SLC47A2: variants seen among roughly 807,000 people sequenced by gnomAD.
SLC47A2 encodes the protein solute carrier family 47 member 2, also known as multidrug and toxin extrusion protein 2.
Under a neutral mutation model 67.7 loss-of-function variants are expected in SLC47A2, and 52 were observed. The observed-to-expected ratio is 0.77, with a 90% CI of 0.61 to 0.97. SLC47A2 has a LOEUF of 0.97. Among genes scored for constraint, SLC47A2 ranks in the 50% least tolerant of loss-of-function variants. SLC47A2 has a pLI of 0.00. For synonymous variants in SLC47A2, 278 were observed against 292.9 expected, an observed-to-expected ratio of 0.95 and a Z score of 0.52; for missense variants, 676 against 712.3, an observed-to-expected ratio of 0.95 and a Z score of 0.58.
At chr17:19,705,630 C>CAAGG in intron 9 of SLC47A2, 127 bp from the exon 10 acceptor site, 3 of 828,698 alleles carry the variant, frequency 3.6e-6, no homozygotes, top group Non-Finnish European at 5.3e-6. Flanking sequence ...GACAGGGTCT[C>CAAGG]ACTCTGTCGC....
At chr17:19,698,926 C>T (rs529040157) in intron 13 of SLC47A2, among the ~76,000 whole-genome samples, 3 of 152,266 alleles carry the variant, frequency 2.0e-5, no homozygotes, top group African/African-American at 7.2e-5. Flanking sequence ...TATAAGTAAT[C>T]TAGAGATGAT....
At chr17:19,689,608 G>T (rs1255328425) in intron 13 of SLC47A2, among the ~76,000 whole-genome samples, 1 of 151,144 alleles carries the variant, frequency 6.6e-6, no homozygotes, top group Non-Finnish European at 1.5e-5. Context: ...GAAGTGAGAG[G>T]ATCACCTGAG....
At position 19,681,546 on chromosome 17, in the gene SLC47A2, C is replaced by G; in HGVS notation, c.1289G>C (p.Arg430Thr). Residue 430 changes from arginine (R) to threonine (T), a missense_variant, in exon 14 of 17, where the codon AGA (arginine) becomes ACA (threonine). Arg to Thr is a moderately conservative substitution (Grantham distance 71). Transcript: ENST00000433844. Reference protein sequence around the residue: ...GILLTFVVRMRIMGLWLGMLA... With the variant: ...GILLTFVVRMTIMGLWLGMLA... ...TTCCTCACACCACATACCCATGATT[C>G]TCATTCTGACCACAAAGGTCAGAAG... is the stretch of plus-strand genomic sequence containing the variant. 6.2e-7 allele frequency: 1 copy of G among 1,614,228 alleles called. No individual in the cohort carries two copies. The highest frequency in any genetic ancestry group is 8.5e-7 in the Non-Finnish European group (1 of 1,180,046).
chr17:19,714,511 C>T (rs998530514), intron 3 of SLC47A2: 2 of 627,646 alleles, frequency 3.2e-6, no homozygotes, highest in South Asian at 1.9e-5. Flanking sequence ...CCATCTCCAC[C>T]CCTTTCTCCT....
intron 15 of SLC47A2, among the ~76,000 whole-genome samples, chr17:19,680,258 G>A (rs892189580): frequency 5.3e-5 from 8 of 151,922 alleles, no homozygotes; most frequent in African/African-American, 1.5e-4. Context: ...CGGGTGGATT[G>A]CTGGAGCTCA....
At chr17:19,704,293 T>C in intron 10 of SLC47A2, 115 bp from the exon 11 acceptor site, 1 of 808,552 alleles carries the variant, frequency 1.2e-6, no homozygotes, top group Non-Finnish European at 1.9e-6. Flanking sequence ...ATCTCAGGCA[T>C]GCAGTGTAAG....
rs762884140 is a variant in SLC47A2 at position 19,704,149 on chromosome 17, A to G, written c.939T>C (p.Cys313=). The change falls in exon 11 of 17, where the codon TGT becomes TGC. Residue 313 remains cysteine, a synonymous_variant. Coordinates refer to ENST00000433844, the MANE Select transcript of SLC47A2 (RefSeq NM_001099646.3). The stretch of plus-strand genomic sequence containing the variant: ...CCCCCAGAGCCATCCCCACTCGGAC[A>G]CAGACCCCGATGCTGAGCCCCAAGG... ...MIPLGLSIGV[C]VRVGMALGAA... is the part of the protein sequence containing the mutation. 6 of 1,612,224 alleles carry G rather than the reference A, an allele frequency of 3.7e-6. No homozygotes were observed. The highest frequency in any genetic ancestry group is 5.1e-6 in the Non-Finnish European group (6 of 1,179,630).
Position 19,679,986 on chromosome 17 carries a change from G to A in SLC47A2, c.1446C>T (p.Thr482=), listed in dbSNP as rs748646423. The A allele has an allele frequency of 5.6e-6, 9 of 1,613,916 alleles. No homozygotes were observed. The Admixed American group carries it at 1.5e-4, about 27-fold the overall frequency. ...QQQQRAESTA[T]RPGPEKAVLS... is the part of the protein sequence containing the mutation. ...GGACTGCTTTCTCAGGCCCAGGTCT[G>A]GTTGCAGTGCTCTCTGCTCTCTGCT... The change falls in exon 16 of 17, where the codon ACC becomes ACT. Residue 482 remains threonine (T), a synonymous_variant. Transcript: ENST00000433844.
rs1290051883 is a variant in SLC47A2, at chr17:19,678,380, T to G, written c.*306A>C. The G allele has an allele frequency of 2.8e-6, 1 of 354,798 alleles. No individual in the cohort carries two copies. Among genetic ancestry groups the G allele is most frequent in the Non-Finnish European group, 5.2e-6 (1 of 191,426 alleles). The allele number at this position is 354,798 out of a possible 1,614,324, so 22.0% of individuals were successfully genotyped here. ...TGTGATTTTATCTGCAGTGTCCCATTTGAAGCCATTTACATTATTAATAAT... is the reference window on the plus strand; with the variant it reads ...TGTGATTTTATCTGCAGTGTCCCATGTGAAGCCATTTACATTATTAATAAT... On this transcript the variant is annotated 3_prime_UTR_variant, in exon 17 of 17. Transcript: ENST00000433844.
At chr17:19,708,429 G>A (rs376212945) in intron 6 of SLC47A2, 30 bp from the exon 7 acceptor site, 3 of 1,614,182 alleles carry the variant, frequency 1.9e-6, no homozygotes, top group Admixed American at 3.3e-5. Flanking sequence ...GCCCTGCTAA[G>A]GTGTGAGTGA....
At chr17:19,713,404 A>ATCATC in intron 4 of SLC47A2, among the ~76,000 whole-genome samples, 1 of 144,954 alleles carries the variant, frequency 6.9e-6, no homozygotes, top group African/African-American at 2.8e-5. Context: ...TAATAATAAT[A>ATCATC]ATAATAATAA....
chr17:19,714,919 G>T, intron 2 of SLC47A2, 130 bp from the exon 3 acceptor site: 1 of 1,374,002 alleles, frequency 7.3e-7, no homozygotes, highest in Non-Finnish European at 1.0e-6. Flanking sequence ...CTGCTCAGCA[G>T]CCTCATGTGC....
intron 7 of SLC47A2, 48 bp from the exon 8 acceptor site, chr17:19,707,891 C>T (rs376823124): frequency 2.6e-6 from 4 of 1,516,098 alleles, no homozygotes; most frequent in African/African-American, 1.4e-5. Context: ...AACTCTCTGC[C>T]ACCGCCCTGC....
chr17:19,689,844 C>T (rs562142154), intron 13 of SLC47A2, among the ~76,000 whole-genome samples: 74 of 152,224 alleles, frequency 4.9e-4, no homozygotes, highest in African/African-American at 1.7e-3. Context: ...GTTCATACTA[C>T]CCAAAGCATT....
In SLC47A2 at chr17:19,685,531, C is replaced by G. The variant is rs2085410245; in HGVS notation, c.1165-3861G>C. ...GGTGAGGAGCGCCTCTGCCTGGCCG[C>G]CCCGTCTGGGAGGGTTAAATGGATT... On this transcript the variant is annotated intron_variant, in intron 13 of 16. Transcript: ENST00000433844. This position sits in a 1 kb window ranked among gnomAD's most constrained non-coding sequence, Gnocchi z 4.5. 6.6e-6 allele frequency among the ~76,000 whole-genome samples: 1 copy of G among 152,164 alleles called. No homozygotes were observed. Among genetic ancestry groups the G allele is most frequent in the Admixed American group, 6.5e-5 (1 of 15,282 alleles).
chr17:19,682,696 C>T (rs1364980365), intron 13 of SLC47A2, among the ~76,000 whole-genome samples: 3 of 152,212 alleles, frequency 2.0e-5, no homozygotes, highest in African/African-American at 7.2e-5. Flanking sequence ...GAAACACTCA[C>T]AGGTTCTGGG....
At chr17:19,709,632 T>C (rs11657623) in intron 5 of SLC47A2, among the ~76,000 whole-genome samples, 12,316 of 152,246 alleles carry the variant, frequency 0.081, 659 homozygotes, top group Non-Finnish European at 0.12. Flanking sequence ...TACATAAATA[T>C]TGCAAAGTTA....
rs138176373 is a variant in SLC47A2 at position 19,685,361 on chromosome 17, G to A, written c.1165-3691C>T. On this transcript the variant is annotated intron_variant, in intron 13 of 16. Coordinates refer to ENST00000433844, the MANE Select transcript of SLC47A2 (RefSeq NM_001099646.3). The surrounding 1 kb of genome is among the most constrained non-coding windows in gnomAD (Gnocchi z 4.5). ...GGCCACCCCATCTGGGAAGTGAGGC[G>A]CGCCTCTGCCTGGCTGCCACCACGT... Among the ~76,000 whole-genome samples, 1,821 of 151,978 alleles carry A rather than the reference G, an allele frequency of 0.012. 10 individuals carry two copies. The highest frequency in any genetic ancestry group is 0.016 in the Non-Finnish European group (1,082 of 67,962).
chr17:19,679,863 A>C, intron 16 of SLC47A2, 89 bp downstream of exon 16: 1 of 1,303,968 alleles, frequency 7.7e-7, no homozygotes, highest in East Asian at 2.4e-5. Context: ...TACAATTTCC[A>C]ATTGCATGAG....
Sources: gnomAD v4.1 joint callset for allele counts (sites outside exome capture counted in the v4.1 genomes callset) on GRCh38, gnomAD v4.1.1 for gene constraint, Gnocchi (gnomAD v3.1) non-coding constraint, MANE v1.5 for transcripts, NCBI Gene and HGNC (gene_info 2026-07-23, HGNC 2026-07-21) for gene names.